NCAM2: variants seen among roughly 807,000 people sequenced by gnomAD.
NCAM2 encodes the protein neural cell adhesion molecule 2.
Under a neutral mutation model 98.1 loss-of-function variants are expected in NCAM2, and 30 were observed. That is an observed-to-expected ratio of 0.31 (90% CI 0.23 to 0.41). The LOEUF is 0.41. NCAM2 is among the 10% of genes least tolerant of loss of function. The pLI is 1.00. For missense variants in NCAM2, 867 were observed against 1,005.8 expected, an observed-to-expected ratio of 0.86 and a Z score of 1.87; for synonymous variants, 368 against 342.4, an observed-to-expected ratio of 1.07 and a Z score of -0.83.
intron 9 of NCAM2, among the ~76,000 whole-genome samples, chr21:21,387,198 A>G (rs1009710577): frequency 3.8e-4 from 57 of 149,306 alleles, no homozygotes; most frequent in South Asian, 1.9e-3. Context: ...ACACACACAC[A>G]CACACACACA....
chr21:21,062,552 G>A lies in NCAM2; in HGVS notation c.55+63934G>A, dbSNP rs187404718. The stretch of plus-strand genomic sequence containing the variant: ...TGCCCTTTAGGACTTGCCCTCATAA[G>A]GAGCTAACGCTACCGATATCTTGAT... On this transcript the variant is annotated intron_variant, in intron 1 of 17. Coordinates refer to ENST00000400546, the MANE Select transcript of NCAM2 (RefSeq NM_004540.5). 3.0e-3 allele frequency among the ~76,000 whole-genome samples: 451 copies of A among 152,268 alleles called. 1 individual carries two copies. The highest frequency in any genetic ancestry group is 5.1e-3 in the Non-Finnish European group (345 of 68,030).
rs1214136802 is a variant in NCAM2, at chr21:21,396,912, G to A, written c.1196-13362G>A. On this transcript the variant is annotated intron_variant, in intron 9 of 17. Coordinates refer to ENST00000400546, the MANE Select transcript of NCAM2 (RefSeq NM_004540.5). ...CTTCTCATTGCCTGCAACGTGGCAAGTAGGGGGCATGTTTCAGTCCTGTTT... is the reference window on the plus strand; with the variant it reads ...CTTCTCATTGCCTGCAACGTGGCAAATAGGGGGCATGTTTCAGTCCTGTTT... 5.6e-4 allele frequency among the ~76,000 whole-genome samples: 86 copies of A among 152,310 alleles called. 1 individual carries two copies.
chr21:21,485,371 A>G (rs1986260915), intron 15 of NCAM2, among the ~76,000 whole-genome samples: 1 of 152,150 alleles, frequency 6.6e-6, no homozygotes, highest in African/African-American at 2.4e-5. Flanking sequence ...GTAGTTATTT[A>G]TTACATTTTT....
rs563606708 is a variant in NCAM2 at position 21,406,966 on chromosome 21, A to G, written c.1196-3308A>G. Among the ~76,000 whole-genome samples, 114 of 152,182 alleles carry G rather than the reference A, an allele frequency of 7.5e-4. 1 individual carries two copies. In the South Asian group the frequency reaches 0.023, roughly 30 times the overall value. On this transcript the variant is annotated intron_variant, in intron 9 of 17. Coordinates refer to ENST00000400546, the MANE Select transcript of NCAM2 (RefSeq NM_004540.5). Reference sequence around the variant, plus strand: ...GTATCTTTCCACTTCTGCTTATGCTATATTCTTTTCTCCTTTTTCCCCTGT... The same window carrying G: ...GTATCTTTCCACTTCTGCTTATGCTGTATTCTTTTCTCCTTTTTCCCCTGT...
intron 1 of NCAM2, among the ~76,000 whole-genome samples, chr21:21,031,457 C>T (rs1288855791): frequency 6.6e-6 from 1 of 152,142 alleles, no homozygotes; most frequent in Admixed American, 6.5e-5. Flanking sequence ...CCAACCACCT[C>T]CCAAATCTAA....
intron 5 of NCAM2, among the ~76,000 whole-genome samples, chr21:21,307,078 C>A (rs370563701): frequency 6.6e-6 from 1 of 151,084 alleles, no homozygotes; most frequent in Non-Finnish European, 1.5e-5. Flanking sequence ...GTTTTTTAAT[C>A]CATTCTGACA....
At chr21:21,281,680 C>T (rs1035591035) in intron 2 of NCAM2, among the ~76,000 whole-genome samples, 3 of 151,754 alleles carry the variant, frequency 2.0e-5, no homozygotes, top group Non-Finnish European at 4.4e-5. Context: ...CTATGATATA[C>T]CTAAATAATT....
chr21:21,398,545 A>C (rs1234141865), intron 9 of NCAM2, among the ~76,000 whole-genome samples: 5 of 152,244 alleles, frequency 3.3e-5, no homozygotes, highest in Non-Finnish European at 7.3e-5. Context: ...AATGTATGCA[A>C]GGTCACAAAT....
Position 21,047,337 on chromosome 21 carries a change from A to G in NCAM2, c.55+48719A>G, listed in dbSNP as rs374283663. Among the ~76,000 whole-genome samples, 141 of 152,302 alleles carry G rather than the reference A, an allele frequency of 9.3e-4. 4 individuals are homozygous for G. The highest frequency in any genetic ancestry group is 3.2e-3 in the African/African-American group (132 of 41,572). ...GCCAGAAAGCAAAACTGGTTTTGCT[A>G]ATGGGTTGCTATTTAGATTCTAAGT... On this transcript the variant is annotated intron_variant, in intron 1 of 17. Transcript: ENST00000400546.
chr21:21,054,784 G>A (rs1254604744), intron 1 of NCAM2, among the ~76,000 whole-genome samples: 1 of 152,004 alleles, frequency 6.6e-6, no homozygotes, highest in Non-Finnish European at 1.5e-5. Flanking sequence ...TAGGAAAACT[G>A]ACAAAATCTG....
intron 9 of NCAM2, among the ~76,000 whole-genome samples, chr21:21,404,419 G>T (rs940534492): frequency 5.9e-5 from 9 of 152,018 alleles, no homozygotes; most frequent in African/African-American, 1.9e-4. Context: ...TTTTATAAGG[G>T]GTTTCCCCTT....
At chr21:21,155,042 A>T (rs2067570789) in intron 1 of NCAM2, among the ~76,000 whole-genome samples, 1 of 151,736 alleles carries the variant, frequency 6.6e-6, no homozygotes, top group Non-Finnish European at 1.5e-5. Context: ...AGAGGAAAAA[A>T]CAGGGGTAAA....
intron 1 of NCAM2, among the ~76,000 whole-genome samples, chr21:21,109,967 C>T (rs1262316570): frequency 2.6e-5 from 4 of 152,122 alleles, no homozygotes; most frequent in African/African-American, 4.8e-5. Context: ...TTTCTTAATT[C>T]GAGTATGTAA....
At chr21:21,051,401 C>T (rs1351355365) in intron 1 of NCAM2, among the ~76,000 whole-genome samples, 1 of 152,208 alleles carries the variant, frequency 6.6e-6, no homozygotes, top group African/African-American at 2.4e-5. Flanking sequence ...TAAACCAGCT[C>T]AGTTTGTATC....
chr21:21,333,488 G>C (rs554576311), intron 6 of NCAM2, among the ~76,000 whole-genome samples: 1 of 152,234 alleles, frequency 6.6e-6, no homozygotes, highest in East Asian at 1.9e-4. Context: ...CAAATTATGG[G>C]TTCCTCATGA....
chr21:21,443,081 T>C (rs1181709627), intron 12 of NCAM2, among the ~76,000 whole-genome samples: 1 of 152,098 alleles, frequency 6.6e-6, no homozygotes, highest in Non-Finnish European at 1.5e-5. Flanking sequence ...GTGTCTCTGT[T>C]CTCAATATGC....
At chr21:21,176,882 A>C (rs35394903) in intron 1 of NCAM2, among the ~76,000 whole-genome samples, 3,933 of 152,060 alleles carry the variant, frequency 0.026, 100 homozygotes, top group African/African-American at 0.054. Context: ...TAGTTAAAAA[A>C]AAAAGGCAAA....
At chr21:21,176,061 A>G (rs2068278475) in intron 1 of NCAM2, among the ~76,000 whole-genome samples, 1 of 152,224 alleles carries the variant, frequency 6.6e-6, no homozygotes, top group Non-Finnish European at 1.5e-5. Context: ...TACCAAGAAT[A>G]CAGAAAACTA....
chr21:21,533,676 T>G (rs1989832451), intron 16 of NCAM2, among the ~76,000 whole-genome samples: 1 of 151,046 alleles, frequency 6.6e-6, no homozygotes, highest in East Asian at 1.9e-4. Flanking sequence ...TGTACCTATT[T>G]GAAATCTTTA....
Sources: gnomAD v4.1 joint callset for allele counts (sites outside exome capture counted in the v4.1 genomes callset) on GRCh38, gnomAD v4.1.1 for gene constraint, MANE v1.5 for transcripts, NCBI Gene and HGNC (gene_info 2026-07-23, HGNC 2026-07-21) for gene names.